Variants in CPM observed in about 807,000 individuals in gnomAD.
CPM encodes the protein renal carboxypeptidase.
CPM carries 35 observed loss-of-function variants against 46.4 expected under a neutral mutation model. That is an observed-to-expected ratio of 0.75 (90% CI 0.58 to 1.00). The LOEUF is 1.00. Ranked by LOEUF, CPM falls within the 50% of genes least tolerant of loss-of-function variation. The pLI, the probability that CPM is intolerant of heterozygous loss-of-function variation, is 0.00. For synonymous variants in CPM, 195 were observed against 195.3 expected, an observed-to-expected ratio of 1.00 and a Z score of 0.01; for missense variants, 422 against 530.4, an observed-to-expected ratio of 0.80 and a Z score of 2.01.
At chr12:68,924,656 G>C (rs1888183400) in intron 2 of CPM, among the ~76,000 whole-genome samples, 1 of 152,032 alleles carries the variant, frequency 6.6e-6, no homozygotes, top group Non-Finnish European at 1.5e-5. Context: ...GAATTTCCTA[G>C]ATTTTAGTGG....
At chr12:68,842,392 CTCAT>C in intron 5 of CPM, 1 of 492,398 alleles carries the variant, frequency 2.0e-6, no homozygotes, top group Non-Finnish European at 4.0e-6. Flanking sequence ...TCCTAAAAAT[CTCAT>C]TATCTATAAC....
intron 1 of CPM, among the ~76,000 whole-genome samples, chr12:68,941,530 C>G (rs556974023): frequency 6.6e-6 from 1 of 151,966 alleles, no homozygotes; most frequent in Non-Finnish European, 1.5e-5. Context: ...TGTACCACCA[C>G]GCATGGCTAT....
intron 5 of CPM, chr12:68,845,206 AAAAAG>A (rs150809237): frequency 0.11 from 11,425 of 106,502 alleles, 1,331 homozygotes; most frequent in African/African-American, 0.3. Context: ...TGATACTTAT[AAAAAG>A]AAAAAGTATT....
At chr12:68,958,544 A>G (rs1889062538) in intron 1 of CPM, among the ~76,000 whole-genome samples, 1 of 152,052 alleles carries the variant, frequency 6.6e-6, no homozygotes, top group South Asian at 2.1e-4. Flanking sequence ...TACATCAGGA[A>G]GTTCTGTTAA....
At position 68,932,815 on chromosome 12, in the gene CPM, A is replaced by C. The variant is rs904621041; in HGVS notation, c.23T>G (p.Leu8Arg). MDFPCLWLGLLLPLVAAL... is the reference protein window; with the variant it reads MDFPCLWRGLLLPLVAAL... ...AGCTACCAAAGGCAGCAACAGCCCT[A>C]GCCAGAGGCACGGGAAGTCCATGTT... The change falls in exon 2 of 9, where the codon CTA (leucine) becomes CGA (arginine). Residue 8 changes from leucine (L) to arginine (R), a missense_variant. Physicochemically the swap from Leu to Arg is moderately radical, Grantham distance 102 (BLOSUM62 -2). Transcript: ENST00000551568. 7.4e-6 allele frequency: 12 copies of C among 1,614,052 alleles called. No homozygotes were observed. Among genetic ancestry groups the C allele is most frequent in the Non-Finnish European group, 1.0e-5 (12 of 1,180,016 alleles).
intron 2 of CPM, among the ~76,000 whole-genome samples, chr12:68,912,526 T>C (rs113296182): frequency 8.5e-4 from 129 of 152,290 alleles, no homozygotes; most frequent in Admixed American, 9.8e-4. Context: ...TAACTTGGTA[T>C]AAAGGCTATG....
At position 68,867,933 on chromosome 12, in the gene CPM, C is replaced by T. The variant is rs376661606; in HGVS notation, c.788-885G>A. On this transcript the variant is annotated intron_variant, in intron 6 of 8. Transcript: ENST00000551568. Reference sequence around the variant, plus strand: ...GTGGAGGGGGCAGTTCTGGATAAGGCGGGTCAGGCCTGGCCAACAAAACAT... The same window carrying T: ...GTGGAGGGGGCAGTTCTGGATAAGGTGGGTCAGGCCTGGCCAACAAAACAT... Among the ~76,000 whole-genome samples the T allele has an allele frequency of 4.2e-4, 64 of 152,252 alleles. 1 individual carries two copies. The South Asian group carries it at 0.012, about 29-fold the overall frequency.
intron 3 of CPM, among the ~76,000 whole-genome samples, chr12:68,879,295 T>C (rs1886089830): frequency 6.6e-6 from 1 of 152,242 alleles, no homozygotes; most frequent in South Asian, 2.1e-4. Context: ...CAAGGAAACC[T>C]GGGTTTGAAC....
chr12:68,935,636 GTT>G (rs35183489), upstream of CPM, among the ~76,000 whole-genome samples: 4 of 145,774 alleles, frequency 2.7e-5, no homozygotes, highest in South Asian at 4.3e-4. Context: ...CTTTGAGTAG[GTT>G]TTTTTTTTTT....
At chr12:68,918,360 T>A (rs1592694631) in intron 2 of CPM, among the ~76,000 whole-genome samples, 1 of 152,176 alleles carries the variant, frequency 6.6e-6, no homozygotes, top group East Asian at 1.9e-4. Flanking sequence ...ACTTTCTTTC[T>A]GCAGCCAAAC....
chr12:68,922,564 T>C (rs1396675771), intron 2 of CPM, among the ~76,000 whole-genome samples: 1 of 151,756 alleles, frequency 6.6e-6, no homozygotes, highest in Non-Finnish European at 1.5e-5. Context: ...TCCGGGTAAG[T>C]GCGTGATAAC....
At position 68,931,334 on chromosome 12, in the gene CPM, C is replaced by T. The variant is rs1172749747; in HGVS notation, c.160+1344G>A. On this transcript the variant is annotated intron_variant, in intron 2 of 8. Coordinates refer to ENST00000551568, the MANE Select transcript of CPM (RefSeq NM_198320.5). Reference sequence around the variant, plus strand: ...CTAAAATCAAGGTAGAGTTTGAACACACCTTACAAAAAGTTGAGATCCAAA... The same window carrying T: ...CTAAAATCAAGGTAGAGTTTGAACATACCTTACAAAAAGTTGAGATCCAAA... Among the ~76,000 whole-genome samples the T allele has an allele frequency of 2.6e-5, 4 of 152,224 alleles. No individual in the cohort carries two copies. The East Asian group carries it at 7.7e-4, about 29-fold the overall frequency.
chr12:68,930,241 T>G (rs1371302406), intron 2 of CPM, among the ~76,000 whole-genome samples: 1 of 152,170 alleles, frequency 6.6e-6, no homozygotes, highest in Admixed American at 6.5e-5. Flanking sequence ...CCACCATGTC[T>G]GGTTAATTTT....
Position 68,856,662 on chromosome 12 carries a change from A to G in CPM, c.1107T>C (p.His369=). 2 of 1,614,066 alleles carry G rather than the reference A, an allele frequency of 1.2e-6. No individual in the cohort carries two copies. Among genetic ancestry groups the G allele is most frequent in the Non-Finnish European group, 1.7e-6 (2 of 1,179,986 alleles). The change falls in exon 9 of 9, where the codon CAT becomes CAC. Residue 369 remains histidine, a synonymous_variant. Transcript: ENST00000551568. Reference sequence around the variant, plus strand: ...TAATCACCTTTGTGATGTGTGGATCATGTCCAGGGACTGTAACCTGAGAAG... The same window carrying G: ...TAATCACCTTTGTGATGTGTGGATCGTGTCCAGGGACTGTAACCTGAGAAG... ...SYIINVTVPG[H]DPHITKVIIP... is the part of the protein sequence containing the mutation.
At chr12:68,929,442 C>T (rs1888413133) in intron 2 of CPM, among the ~76,000 whole-genome samples, 1 of 152,070 alleles carries the variant, frequency 6.6e-6, no homozygotes, top group Admixed American at 6.5e-5. Context: ...GAACACTGTA[C>T]CTTTTCTGAT....
In CPM at chr12:68,932,768, G is replaced by A. The variant is rs1888564920; in HGVS notation, c.70C>T (p.Arg24Cys). The change falls in exon 2 of 9, where the codon CGC becomes TGC. Residue 24 changes from arginine to cysteine, a missense_variant. Arg to Cys is a radical substitution (Grantham distance 180). Coordinates refer to ENST00000551568, the MANE Select transcript of CPM (RefSeq NM_198320.5). Reference sequence around the variant, plus strand: ...AAAAACGCTTCCATCCCTTCCTGGCGGTGGTAGTTGAAATCCAGCGCAGCT... The same window carrying A: ...AAAAACGCTTCCATCCCTTCCTGGCAGTGGTAGTTGAAATCCAGCGCAGCT... ...LVAALDFNYH[R>C]QEGMEAFLKT... 1.9e-6 allele frequency: 3 copies of A among 1,614,190 alleles called. No individual in the cohort carries two copies. Among genetic ancestry groups the A allele is most frequent in the Non-Finnish European group, 2.5e-6 (3 of 1,180,024 alleles).
upstream of CPM, among the ~76,000 whole-genome samples, chr12:68,935,944 T>C (rs1252802718): frequency 6.6e-6 from 1 of 152,184 alleles, no homozygotes; most frequent in Non-Finnish European, 1.5e-5. Flanking sequence ...TCATCAATAC[T>C]GGAATGGAGA....
chr12:68,941,169 A>ATGTGTGTGTGTG, intron 1 of CPM, among the ~76,000 whole-genome samples: 1 of 95,674 alleles, frequency 1.0e-5, no homozygotes, highest in South Asian at 4.0e-4. Context: ...TGTGCTGAGT[A>ATGTGTGTGTGTG]CGTGTGTGTG....
At chr12:68,842,944 G>A (rs1883917512) in intron 5 of CPM, 1 of 210,162 alleles carries the variant, frequency 4.8e-6, no homozygotes, top group African/African-American at 2.3e-5. Context: ...AATAAGGTTT[G>A]CCTGAAATAA....
Sources: allele counts gnomAD v4.1 joint callset (sites outside exome capture counted in the v4.1 genomes callset), GRCh38; gene constraint gnomAD v4.1.1; transcripts MANE v1.5; gene names NCBI Gene and HGNC (gene_info 2026-07-23, HGNC 2026-07-21).